The following AKT3 variants were observed in gnomAD, a reference collection of about 807,000 sequenced individuals.
AKT3 encodes the protein RAC-gamma serine/threonine-protein kinase.
AKT3 carries 15 observed loss-of-function variants against 65.3 expected under a neutral mutation model. That is an observed-to-expected ratio of 0.23 (90% CI 0.15 to 0.35). AKT3 has a LOEUF of 0.35. AKT3 is among the 10% of genes least tolerant of loss of function. AKT3 has a pLI of 1.00. For missense variants in AKT3, 243 were observed against 576.5 expected (o/e 0.42, Z 5.92); for synonymous variants, 206 against 183.8 (o/e 1.12, Z -0.98).
At chr1:243,544,854 C>A (rs1017264794) in intron 12 of AKT3, among the ~76,000 whole-genome samples, 2 of 151,616 alleles carry the variant, frequency 1.3e-5, no homozygotes, top group Non-Finnish European at 2.9e-5. Flanking sequence ...CGCCACCACG[C>A]CCAGTTGATT....
At chr1:243,754,659 A>T (rs768060151) in intron 2 of AKT3, among the ~76,000 whole-genome samples, 5 of 152,184 alleles carry the variant, frequency 3.3e-5, no homozygotes, top group Non-Finnish European at 5.9e-5. Flanking sequence ...CCCTATTGTG[A>T]ACTGTGCATG....
At chr1:243,699,119 C>A (rs908916291) in intron 2 of AKT3, among the ~76,000 whole-genome samples, 2 of 152,060 alleles carry the variant, frequency 1.3e-5, no homozygotes, top group Admixed American at 1.3e-4. Flanking sequence ...GTACCCAGAA[C>A]AAAGTACACT....
chr1:243,773,431 A>G (rs1420805129), intron 2 of AKT3, among the ~76,000 whole-genome samples: 1 of 152,006 alleles, frequency 6.6e-6, no homozygotes, highest in East Asian at 1.9e-4. Context: ...CCTCTTTAGG[A>G]AGGTCACTTC....
At chr1:243,634,308 G>T (rs1281538353) in intron 6 of AKT3, among the ~76,000 whole-genome samples, 3 of 151,642 alleles carry the variant, frequency 2.0e-5, no homozygotes, top group African/African-American at 7.3e-5. Context: ...TGAATCCATG[G>T]ATATGGAATA....
chr1:243,731,288 A>G lies in AKT3; in HGVS notation c.47-35572T>C, dbSNP rs1188020618. Among the ~76,000 whole-genome samples the G allele has an allele frequency of 2.0e-5, 3 of 152,228 alleles. No individual in the cohort carries two copies. The East Asian group carries it at 5.8e-4, about 29-fold the overall frequency. On this transcript the variant is annotated intron_variant, in intron 2 of 13. Coordinates refer to ENST00000673466, the MANE Select transcript of AKT3 (RefSeq NM_005465.7). ...GTTTTCTACCATCCATACGTTTAAGATAAATGGCATGCAATATCACCAATA... is the reference window on the plus strand; with the variant it reads ...GTTTTCTACCATCCATACGTTTAAGGTAAATGGCATGCAATATCACCAATA...
At chr1:243,512,237 A>T (rs1308672310) in intron 13 of AKT3, 87 bp downstream of exon 13, 3 of 667,988 alleles carry the variant, frequency 4.5e-6, no homozygotes, top group Non-Finnish European at 7.3e-6. Flanking sequence ...TGAAAATATC[A>T]GATGAGTTTT....
chr1:243,730,706 G>A (rs1392439753), intron 2 of AKT3, among the ~76,000 whole-genome samples: 2 of 152,308 alleles, frequency 1.3e-5, no homozygotes, highest in East Asian at 1.9e-4. Flanking sequence ...CCTGCTCGCC[G>A]AGCCGCGGGT....
Position 243,687,362 on chromosome 1 carries a change from A to G in AKT3, c.172+8229T>C, listed in dbSNP as rs547516655. On this transcript the variant is annotated intron_variant, in intron 3 of 13. Coordinates refer to ENST00000673466, the MANE Select transcript of AKT3 (RefSeq NM_005465.7). ...AGGCTGGGAGATCGTGGAAGCTACT[A>G]AAGAAGAGGAAGCAGGCTCTAAAAC... 3.9e-5 allele frequency: 6 copies of G among 152,324 alleles called. No individual in the cohort carries two copies. The South Asian group carries it at 6.2e-4, about 16-fold the overall frequency. The allele number at this position is 152,324 out of a possible 1,614,324, so 9.4% of individuals were successfully genotyped here.
intron 2 of AKT3, among the ~76,000 whole-genome samples, chr1:243,736,687 A>G (rs552167812): frequency 1.3e-5 from 2 of 152,322 alleles, no homozygotes; most frequent in South Asian, 4.1e-4. Flanking sequence ...GTTCGAAGAT[A>G]AAGAAATGGA....
At position 243,696,309 on chromosome 1, in the gene AKT3, C is replaced by T. The variant is rs144326294; in HGVS notation, c.47-593G>A. Among the ~76,000 whole-genome samples, 409 of 151,954 alleles carry T rather than the reference C, an allele frequency of 2.7e-3. 1 individual carries two copies. Among genetic ancestry groups the T allele is most frequent in the Non-Finnish European group, 3.3e-3 (227 of 67,840 alleles). ...TGGGTTAACAGGGCTTTCAACGATA[C>T]GCAAACTCACACATACACAAACATA... On this transcript the variant is annotated intron_variant, in intron 2 of 13. Transcript: ENST00000673466.
intron 3 of AKT3, among the ~76,000 whole-genome samples, chr1:243,669,620 T>C (rs1223758493): frequency 6.6e-6 from 1 of 152,188 alleles, no homozygotes; most frequent in Non-Finnish European, 1.5e-5. Flanking sequence ...AAGCATATTT[T>C]CAACACTATA....
At chr1:243,492,617 T>G (rs1245844096) in intron 13 of AKT3, among the ~76,000 whole-genome samples, 4 of 144,478 alleles carry the variant, frequency 2.8e-5, no homozygotes, top group South Asian at 2.3e-4. Flanking sequence ...TTTTTTTTTT[T>G]TTTTTTTTTT....
rs537361454 is a variant in AKT3 at position 243,544,122 on chromosome 1, T to C, written c.1251+1388A>G. On this transcript the variant is annotated intron_variant, in intron 12 of 13. Coordinates refer to ENST00000673466, the MANE Select transcript of AKT3 (RefSeq NM_005465.7). Reference sequence around the variant, plus strand: ...CTGAAATGGATGAACTAAAAATAATTACAGAAAAATTCGGAGTAGATTATT... The same window carrying C: ...CTGAAATGGATGAACTAAAAATAATCACAGAAAAATTCGGAGTAGATTATT... Among the ~76,000 whole-genome samples, 4 of 151,630 alleles carry C rather than the reference T, an allele frequency of 2.6e-5. No individual in the cohort carries two copies. The South Asian group carries it at 8.3e-4, about 32-fold the overall frequency.
intron 1 of AKT3, among the ~76,000 whole-genome samples, chr1:243,843,980 G>A (rs186057798): frequency 3.3e-5 from 5 of 152,126 alleles, no homozygotes; most frequent in South Asian, 2.1e-4. Context: ...AAAATACAAC[G>A]TACCAAGAAC....
intron 2 of AKT3, among the ~76,000 whole-genome samples, chr1:243,770,258 C>T (rs558422139): frequency 6.6e-6 from 1 of 152,182 alleles, no homozygotes; most frequent in African/African-American, 2.4e-5. Context: ...CAGCCAACTC[C>T]ATCAATAGTA....
chr1:243,674,002 T>C (rs1683333531), intron 3 of AKT3, among the ~76,000 whole-genome samples: 1 of 152,192 alleles, frequency 6.6e-6, no homozygotes, highest in African/African-American at 2.4e-5. Flanking sequence ...GAATGTACAT[T>C]AGATTGAAAA....
intron 2 of AKT3, among the ~76,000 whole-genome samples, chr1:243,788,164 A>G (rs1440497210): frequency 6.6e-6 from 1 of 152,210 alleles, no homozygotes; most frequent in Non-Finnish European, 1.5e-5. Context: ...GAAATGGTAC[A>G]TGGATGGTAA....
intron 8 of AKT3, among the ~76,000 whole-genome samples, chr1:243,598,590 G>A (rs1676795104): frequency 6.6e-6 from 1 of 152,118 alleles, no homozygotes; most frequent in Non-Finnish European, 1.5e-5. Context: ...AAGTGAACAG[G>A]TATTCAGCCC....
chr1:243,755,771 CCCTTTTATCATA>C (rs749645603), intron 2 of AKT3, among the ~76,000 whole-genome samples: 44 of 152,316 alleles, frequency 2.9e-4, no homozygotes, highest in Non-Finnish European at 5.3e-4. Context: ...AGTAAAAGAA[CCCTTTTATCATA>C]AAGCAATTCC....
Sources: gnomAD v4.1 joint callset for allele counts (sites outside exome capture counted in the v4.1 genomes callset) on GRCh38, gnomAD v4.1.1 for gene constraint, MANE v1.5 for transcripts, NCBI Gene and HGNC (gene_info 2026-07-23, HGNC 2026-07-21) for gene names.